CNTN5: variants seen among roughly 807,000 people sequenced by gnomAD.
CNTN5 encodes contactin-5.
CNTN5 carries 77 observed loss-of-function variants against 129.1 expected under a neutral mutation model. That is an observed-to-expected ratio of 0.60 (90% confidence interval 0.50 to 0.72). The LOEUF is 0.72. Ranked by LOEUF, CNTN5 falls within the 30% of genes least tolerant of loss-of-function variation. The pLI, the probability that CNTN5 is intolerant of heterozygous loss-of-function variation, is 0.00. For missense variants in CNTN5, 1,478 were observed against 1,328.8 expected (o/e 1.11, Z -1.75); for synonymous variants, 509 against 465.6 (o/e 1.09, Z -1.20).
At chr11:100,287,062 A>C (rs977793056) in intron 18 of CNTN5, among the ~76,000 whole-genome samples, 1 of 152,138 alleles carries the variant, frequency 6.6e-6, no homozygotes, top group African/African-American at 2.4e-5. Context: ...GAGAAAAAAG[A>C]ATAAAAAGAA....
At chr11:99,534,862 A>G (rs749675520) in intron 2 of CNTN5, among the ~76,000 whole-genome samples, 1 of 152,150 alleles carries the variant, frequency 6.6e-6, no homozygotes, top group African/African-American at 2.4e-5. Context: ...CAACTACAAT[A>G]TAAGGATGAT....
chr11:99,348,353 A>G (rs1342548996), intron 2 of CNTN5, among the ~76,000 whole-genome samples: 1 of 152,170 alleles, frequency 6.6e-6, no homozygotes, highest in Admixed American at 6.5e-5. Flanking sequence ...AAAAAAATAC[A>G]CTAGAACAGT....
In CNTN5 at chr11:100,079,299, A is replaced by T. The variant is rs927774441; in HGVS notation, c.1580+5005A>T. Among the ~76,000 whole-genome samples, 2 of 152,168 alleles carry T rather than the reference A, an allele frequency of 1.3e-5. 1 individual carries two copies. Among genetic ancestry groups the T allele is most frequent in the Admixed American group, 1.3e-4 (2 of 15,256 alleles). ...TATCAGTAGTCTGGAAATGCTTACCATTCTCCTTTCTTTCTCCAGTCATTA... is the reference window on the plus strand; with the variant it reads ...TATCAGTAGTCTGGAAATGCTTACCTTTCTCCTTTCTTTCTCCAGTCATTA... On this transcript the variant is annotated intron_variant, in intron 13 of 24. Coordinates refer to ENST00000524871, the MANE Select transcript of CNTN5 (RefSeq NM_014361.4).
intron 2 of CNTN5, among the ~76,000 whole-genome samples, chr11:99,341,571 A>G (rs776154041): frequency 1.6e-4 from 25 of 152,158 alleles, no homozygotes; most frequent in Non-Finnish European, 2.2e-4. Context: ...AATAATCAGA[A>G]TATTTACCAA....
intron 13 of CNTN5, among the ~76,000 whole-genome samples, chr11:100,112,833 G>C (rs1025774881): frequency 3.3e-5 from 5 of 152,236 alleles, no homozygotes; most frequent in Non-Finnish European, 5.9e-5. Flanking sequence ...AGAGGGAAGA[G>C]TGCCTTTTAA....
chr11:100,264,306 G>A, intron 17 of CNTN5, among the ~76,000 whole-genome samples: 1 of 152,194 alleles, frequency 6.6e-6, no homozygotes, highest in African/African-American at 2.4e-5. Flanking sequence ...TGCCATGGTG[G>A]TTTGCTGTGC....
chr11:99,827,105 C>A (rs896358802), intron 4 of CNTN5, among the ~76,000 whole-genome samples: 3 of 151,910 alleles, frequency 2.0e-5, no homozygotes, highest in African/African-American at 2.4e-5. Flanking sequence ...TGTTTTAATG[C>A]GAGACAGGGC....
rs74603527 is a variant in CNTN5, at chr11:99,874,488, A to G, written c.577+29226A>G. ...TGATGAATTCTTTCCTCAGGAGGGAATATCTAGTTGTGTTTCTTTTTGTGT... is the reference window on the plus strand; with the variant it reads ...TGATGAATTCTTTCCTCAGGAGGGAGTATCTAGTTGTGTTTCTTTTTGTGT... On this transcript the variant is annotated intron_variant, in intron 6 of 24. Coordinates refer to ENST00000524871, the MANE Select transcript of CNTN5 (RefSeq NM_014361.4). Among the ~76,000 whole-genome samples, 1,138 of 152,232 alleles carry G rather than the reference A, an allele frequency of 7.5e-3. 31 individuals are homozygous for G. In the East Asian group the frequency reaches 0.11, roughly 14 times the overall value.
chr11:99,474,470 T>G (rs1214376521), intron 2 of CNTN5, among the ~76,000 whole-genome samples: 1 of 152,112 alleles, frequency 6.6e-6, no homozygotes, highest in Non-Finnish European at 1.5e-5. Flanking sequence ...ATTATTACCA[T>G]TATCATTGAA....
At chr11:99,312,719 G>A (rs1865165054) in intron 1 of CNTN5, among the ~76,000 whole-genome samples, 1 of 151,904 alleles carries the variant, frequency 6.6e-6, no homozygotes, top group Admixed American at 6.6e-5. Context: ...CAACATTTTA[G>A]TAAGTATTCA....
chr11:99,772,098 T>C (rs894268663), intron 3 of CNTN5, among the ~76,000 whole-genome samples: 9 of 150,890 alleles, frequency 6.0e-5, no homozygotes, highest in Non-Finnish European at 1.2e-4. Context: ...AACAATGGAG[T>C]GCTCTTTCTG....
At chr11:100,025,776 T>G (rs1489331283) in intron 9 of CNTN5, among the ~76,000 whole-genome samples, 1 of 152,204 alleles carries the variant, frequency 6.6e-6, no homozygotes, top group East Asian at 1.9e-4. Context: ...GCCCCATTGT[T>G]TCAGCCAATT....
chr11:99,136,353 T>A (rs4474397), intron 1 of CNTN5, among the ~76,000 whole-genome samples: 2,891 of 152,200 alleles, frequency 0.019, 135 homozygotes, highest in Admixed American at 0.1. Context: ...GCTTGAGAAA[T>A]CTCTACATGA....
At position 99,267,430 on chromosome 11, in the gene CNTN5, G is replaced by T. The variant is rs967977303; in HGVS notation, c.-209-57916G>T. On this transcript the variant is annotated intron_variant, in intron 1 of 24. Transcript: ENST00000524871. The stretch of plus-strand genomic sequence containing the variant: ...AATCTTTCTAACGCTTATATTTTTG[G>T]TATCTATGTTACAGTCTATGTGCAA... 3.3e-5 allele frequency among the ~76,000 whole-genome samples: 5 copies of T among 151,670 alleles called. No homozygotes were observed. The East Asian group carries it at 9.7e-4, about 29-fold the overall frequency.
At chr11:99,367,461 G>T (rs1250586574) in intron 2 of CNTN5, among the ~76,000 whole-genome samples, 1 of 152,092 alleles carries the variant, frequency 6.6e-6, no homozygotes, top group East Asian at 1.9e-4. Context: ...AATGTTAAGA[G>T]AACACAGTGC....
chr11:99,089,312 A>G (rs552918525), intron 1 of CNTN5, among the ~76,000 whole-genome samples: 2 of 152,300 alleles, frequency 1.3e-5, no homozygotes, highest in South Asian at 2.1e-4. Flanking sequence ...TAGCATTTAT[A>G]TAGTATTTAT....
chr11:99,298,952 C>G (rs1485052708), intron 1 of CNTN5, among the ~76,000 whole-genome samples: 1 of 152,152 alleles, frequency 6.6e-6, no homozygotes, highest in African/African-American at 2.4e-5. Context: ...TCTTCCTAAA[C>G]CCTTAAATAC....
At chr11:100,247,752 A>G (rs1949875451) in intron 16 of CNTN5, among the ~76,000 whole-genome samples, 1 of 152,160 alleles carries the variant, frequency 6.6e-6, no homozygotes, top group Non-Finnish European at 1.5e-5. Flanking sequence ...TAGCTAATGT[A>G]CTATGAAAAG....
intron 6 of CNTN5, among the ~76,000 whole-genome samples, chr11:99,915,429 C>T (rs574810905): frequency 2.0e-5 from 3 of 152,174 alleles, no homozygotes; most frequent in South Asian, 2.1e-4. Flanking sequence ...GTGAATATTT[C>T]GTTAACTAAT....
Sources: allele counts gnomAD v4.1 joint callset (sites outside exome capture counted in the v4.1 genomes callset), GRCh38; gene constraint gnomAD v4.1.1; transcripts MANE v1.5; gene names NCBI Gene and HGNC (gene_info 2026-07-23, HGNC 2026-07-21).